SLC18A2: variants seen among roughly 807,000 people sequenced by gnomAD.
SLC18A2 encodes synaptic vesicular amine transporter.
SLC18A2 carries 33 observed loss-of-function variants against 59.2 expected under a neutral mutation model. The observed-to-expected ratio is 0.56, with a 90% CI of 0.42 to 0.75. SLC18A2 has a LOEUF of 0.75. Ranked by LOEUF, SLC18A2 falls within the 30% of genes least tolerant of loss-of-function variation. The probability of loss-of-function intolerance (pLI) is 0.00; values close to 1 mark genes in which losing one functional copy is unlikely to be tolerated. For synonymous variants in SLC18A2, 228 were observed against 253.5 expected (o/e 0.90, Z 0.95); for missense variants, 569 against 668.6 (o/e 0.85, Z 1.64).
chr10:117,257,189 C>G (rs556043490), intron 9 of SLC18A2, among the ~76,000 whole-genome samples: 2 of 152,314 alleles, frequency 1.3e-5, no homozygotes, highest in Non-Finnish European at 2.9e-5. Flanking sequence ...CGATGGAGAA[C>G]AGTTCCGTGG....
intron 3 of SLC18A2, among the ~76,000 whole-genome samples, chr10:117,252,171 A>C (rs1844170468): frequency 8.6e-6 from 1 of 116,160 alleles, no homozygotes. Flanking sequence ...TTTAGTACAG[A>C]CAGGGTTTTG....
intron 1 of SLC18A2, 92 bp from the exon 2 acceptor site, chr10:117,241,587 C>G: frequency 7.6e-7 from 1 of 1,316,644 alleles, no homozygotes; most frequent in East Asian, 3.1e-5. Flanking sequence ...CCGGTGCGCG[C>G]GGCTCCCTGA....
chr10:117,260,877 C>T (rs1230216066), intron 10 of SLC18A2, among the ~76,000 whole-genome samples: 2 of 152,194 alleles, frequency 1.3e-5, no homozygotes, highest in African/African-American at 4.8e-5. Context: ...TCAGAAAGCA[C>T]ATCTGGACTT....
chr10:117,241,895 TC>T, intron 2 of SLC18A2, 81 bp downstream of exon 2: 1 of 1,340,694 alleles, frequency 7.5e-7, no homozygotes. Context: ...CCCTGCGCGG[TC>T]CCGGAGCTCC....
intron 2 of SLC18A2, 52 bp downstream of exon 2, chr10:117,241,866 T>TC: frequency 1.3e-6 from 2 of 1,526,076 alleles, no homozygotes; most frequent in Non-Finnish European, 8.9e-7. Flanking sequence ...CAGCGCCCCT[T>TC]CCCCGGCACT....
chr10:117,270,129 G>A lies in SLC18A2; in HGVS notation c.1245G>A (p.Val415=), dbSNP rs1464148721. The A allele has an allele frequency of 6.2e-7, 1 of 1,614,238 alleles. No homozygotes were observed. Among genetic ancestry groups the A allele is most frequent in the South Asian group, 1.1e-5 (1 of 91,088 alleles). The change falls in exon 14 of 16, where the codon GTG becomes GTA. Residue 415 remains valine (V), a synonymous_variant. Coordinates refer to ENST00000644641, the MANE Select transcript of SLC18A2 (RefSeq NM_003054.6). ...GCTACCTCGTAGACCTGCGGCACGT[G>A]TCCGTCTATGGGAGTGTGTACGCCA... The part of the protein sequence containing the change: ...IMGYLVDLRH[V]SVYGSVYAIA...
At chr10:117,256,243 G>A (rs1005124173) in intron 9 of SLC18A2, among the ~76,000 whole-genome samples, 2 of 152,210 alleles carry the variant, frequency 1.3e-5, no homozygotes, top group Non-Finnish European at 2.9e-5. Context: ...TCTTGGGAAG[G>A]ATAATGGTCT....
At chr10:117,241,646 G>A (rs776562780) in intron 1 of SLC18A2, 33 bp from the exon 2 acceptor site, 130 of 1,519,862 alleles carry the variant, frequency 8.6e-5, no homozygotes, top group Non-Finnish European at 1.2e-5. Context: ...GTCCACGGCC[G>A]CCTTGGGTCC....
chr10:117,255,323 G>A lies in SLC18A2; in HGVS notation c.747G>A (p.Thr249=), dbSNP rs139770569. 14 of 1,614,232 alleles carry A rather than the reference G, an allele frequency of 8.7e-6. No individual in the cohort carries two copies. Among genetic ancestry groups the A allele is most frequent in the African/African-American group, 5.3e-5 (4 of 75,068 alleles). The change falls in exon 7 of 16, where the codon ACG becomes ACA. Residue 249 remains threonine (T), a synonymous_variant. Coordinates refer to ENST00000644641, the MANE Select transcript of SLC18A2 (RefSeq NM_003054.6). ...TGCTCTATGAGTTTGTGGGGAAGAC[G>A]GCTCCGTTCCTGGTGCTGGCCGCCC... is the stretch of plus-strand genomic sequence containing the variant. ...GSVLYEFVGK[T]APFLVLAALV...
At chr10:117,244,927 G>A (rs192026892) in intron 3 of SLC18A2, among the ~76,000 whole-genome samples, 3 of 152,370 alleles carry the variant, frequency 2.0e-5, no homozygotes, top group Admixed American at 6.5e-5. Flanking sequence ...TGAGGCTGTT[G>A]TCTGGATAAT....
intron 9 of SLC18A2, among the ~76,000 whole-genome samples, chr10:117,256,073 A>G (rs1844226478): frequency 6.6e-6 from 1 of 152,134 alleles, no homozygotes; most frequent in African/African-American, 2.4e-5. Flanking sequence ...CTTGGCATAT[A>G]TGAATAGAAA....
At chr10:117,266,327 C>T (rs1844348243) in intron 10 of SLC18A2, among the ~76,000 whole-genome samples, 1 of 151,978 alleles carries the variant, frequency 6.6e-6, no homozygotes, top group African/African-American at 2.4e-5. Context: ...GTAATTTTAA[C>T]ATTTTTCTTT....
In SLC18A2 at chr10:117,278,451, T is replaced by C. The variant is rs1389225838; in HGVS notation, c.*1185T>C. On this transcript the variant is annotated 3_prime_UTR_variant, in exon 16 of 16. Transcript: ENST00000644641. ...CATCCAGTGTGCAGTGTTGTGTATTTTTCTAAGCATGACAACATTGATGTG... is the reference window on the plus strand; with the variant it reads ...CATCCAGTGTGCAGTGTTGTGTATTCTTCTAAGCATGACAACATTGATGTG... 1 of 152,218 alleles carries C rather than the reference T, an allele frequency of 6.6e-6. No homozygotes were observed. Among genetic ancestry groups the C allele is most frequent in the Non-Finnish European group, 1.5e-5 (1 of 68,032 alleles). 9.4% of individuals were successfully genotyped at this position (152,218 alleles called of 1,614,324 possible). A position where few individuals can be genotyped will look rare whatever the true frequency, so the allele number is the denominator to read the frequency against.
intron 10 of SLC18A2, among the ~76,000 whole-genome samples, chr10:117,260,793 A>G (rs187491726): frequency 2.4e-4 from 37 of 152,344 alleles, no homozygotes; most frequent in African/African-American, 8.9e-4. Flanking sequence ...CTCAGGAAGG[A>G]ATTCATGGCA....
At chr10:117,270,826 G>A (rs1044856868) in intron 15 of SLC18A2, among the ~76,000 whole-genome samples, 1 of 152,088 alleles carries the variant, frequency 6.6e-6, no homozygotes, top group African/African-American at 2.4e-5. Context: ...AGCCATTTGT[G>A]GTGCTGTTGC....
At position 117,269,453 on chromosome 10, in the gene SLC18A2, G is replaced by A. The variant is rs1338284764; in HGVS notation, c.1187-618G>A. On this transcript the variant is annotated intron_variant, in intron 13 of 15. Transcript: ENST00000644641. The surrounding 1 kb of genome is among the most constrained non-coding windows in gnomAD (Gnocchi z 5.1). ...AGACATACACCCCAGCAACAACCAC[G>A]ACCAGCATTAGAATCTCGTCTCTTG... Among the ~76,000 whole-genome samples, 1 of 151,988 alleles carries A rather than the reference G, an allele frequency of 6.6e-6. No homozygotes were observed. Among genetic ancestry groups the A allele is most frequent in the African/African-American group, 2.4e-5 (1 of 41,354 alleles).
intron 3 of SLC18A2, among the ~76,000 whole-genome samples, chr10:117,248,376 C>A (rs1053654652): frequency 6.6e-6 from 1 of 152,284 alleles, no homozygotes; most frequent in South Asian, 2.1e-4. Flanking sequence ...CTTCCTGTTT[C>A]ATTTGTTATT....
chr10:117,267,387 C>T, intron 12 of SLC18A2: 1 of 447,732 alleles, frequency 2.2e-6, no homozygotes, highest in South Asian at 4.2e-5. Context: ...ATATCCATCC[C>T]TCATGAGGCC....
At chr10:117,277,089 A>G in intron 15 of SLC18A2, 73 bp from the exon 16 acceptor site, 1 of 869,078 alleles carries the variant, frequency 1.2e-6, no homozygotes, top group African/African-American at 1.7e-5. Flanking sequence ...ATAATCCTTA[A>G]AAACAGTAGG....
Sources: gnomAD v4.1 joint callset for allele counts (sites outside exome capture counted in the v4.1 genomes callset) on GRCh38, gnomAD v4.1.1 for gene constraint, Gnocchi (gnomAD v3.1) non-coding constraint, MANE v1.5 for transcripts, NCBI Gene and HGNC (gene_info 2026-07-23, HGNC 2026-07-21) for gene names.